Variants in TANGO6 observed in about 807,000 individuals in gnomAD.
TANGO6 encodes transport and Golgi organization protein 6 homolog.
In TANGO6, 90 loss-of-function variants were observed where a neutral mutation model predicts 114.2. That is an observed-to-expected ratio of 0.79 (90% CI 0.66 to 0.94). The LOEUF is 0.94. Ranked by LOEUF, TANGO6 falls within the 40% of genes least tolerant of loss-of-function variation. The pLI is 0.00. For missense variants in TANGO6, 1,274 were observed against 1,315.3 expected, an observed-to-expected ratio of 0.97 and a Z score of 0.49; for synonymous variants, 477 against 509.8, an observed-to-expected ratio of 0.94 and a Z score of 0.87.
intron 16 of TANGO6, among the ~76,000 whole-genome samples, chr16:69,039,913 G>A (rs1021673258): frequency 7.2e-5 from 11 of 152,160 alleles, no homozygotes; most frequent in African/African-American, 2.7e-4. Context: ...ATGATCCTCA[G>A]TCTCTAGAAG....
At chr16:69,013,504 C>T (rs1472747867) in intron 15 of TANGO6, among the ~76,000 whole-genome samples, 4 of 151,594 alleles carry the variant, frequency 2.6e-5, no homozygotes, top group Non-Finnish European at 4.4e-5. Context: ...GTGGTCCCAG[C>T]TACTCAGGAG....
intron 14 of TANGO6, chr16:68,937,840 C>T (rs932570841): frequency 4.6e-5 from 7 of 152,150 alleles, no homozygotes; most frequent in Admixed American, 3.3e-4. Flanking sequence ...AGATCAGGCG[C>T]ATTCGGGGTG....
Position 68,843,582 on chromosome 16 carries a change from C to G in TANGO6, c.-36C>G, listed in dbSNP as rs777745466. ...CGGCGGCGGCGCCCTGCCGAGGCGC[C>G]TGAGCGGGTCGCGAGCGTGGTGTTA... On this transcript the variant is annotated 5_prime_UTR_variant, in exon 1 of 18. Coordinates refer to ENST00000261778, the MANE Select transcript of TANGO6 (RefSeq NM_024562.2). 3.1e-6 allele frequency: 5 copies of G among 1,603,366 alleles called. No individual in the cohort carries two copies. Among genetic ancestry groups the G allele is most frequent in the Non-Finnish European group, 4.3e-6 (5 of 1,173,586 alleles).
chr16:68,909,798 G>A (rs1229750688), intron 11 of TANGO6, among the ~76,000 whole-genome samples: 1 of 152,110 alleles, frequency 6.6e-6, no homozygotes, highest in Non-Finnish European at 1.5e-5. Flanking sequence ...TCCTACTCAA[G>A]CTCCATGGAT....
intron 10 of TANGO6, 30 bp downstream of exon 10, chr16:68,907,605 G>A (rs980671004): frequency 6.3e-7 from 1 of 1,588,964 alleles, no homozygotes; most frequent in Admixed American, 1.9e-5. Flanking sequence ...CCTGGTCAGT[G>A]TTGTTCCAGG....
At chr16:68,935,660 G>A (rs1299091000) in intron 14 of TANGO6, among the ~76,000 whole-genome samples, 1 of 152,152 alleles carries the variant, frequency 6.6e-6, no homozygotes, top group Non-Finnish European at 1.5e-5. Flanking sequence ...TAAAGTCTCT[G>A]AGTTCCGGTT....
chr16:68,887,682 GC>G (rs1425999844), intron 7 of TANGO6, among the ~76,000 whole-genome samples: 3 of 152,100 alleles, frequency 2.0e-5, no homozygotes, highest in Non-Finnish European at 4.4e-5. Context: ...GTCGAGACCA[GC>G]CTGGCCAGCA....
intron 15 of TANGO6, among the ~76,000 whole-genome samples, chr16:68,976,078 G>A (rs1963763187): frequency 6.6e-6 from 1 of 151,992 alleles, no homozygotes; most frequent in South Asian, 2.1e-4. Context: ...GGGACTAGAG[G>A]TACATGCCAC....
In TANGO6 at chr16:69,072,026, C is replaced by CGTGTGTGTGTGTGTGTGTGT. The variant is rs58310609; in HGVS notation, c.3109-11436_3109-11417dup. 5.6e-4 allele frequency among the ~76,000 whole-genome samples: 52 copies of CGTGTGTGTGTGTGTGTGTGT among 93,014 alleles called. 1 individual carries two copies. The highest frequency in any genetic ancestry group is 1.3e-3 in the Admixed American group (12 of 9,350). The allele number at this position is 93,014 out of a possible 152,430, so 61.0% of individuals were successfully genotyped here. A position where few individuals can be genotyped will look rare whatever the true frequency, so the allele number is the denominator to read the frequency against. ...AGGGAGGGTGAAGAGAGAGGGAGAC[C>CGTGTGTGTGTGTGTGTGTGT]GTGTGTGTGTGTGTGTGTGTGTGTG... On this transcript the variant is annotated intron_variant, in intron 17 of 17. Coordinates refer to ENST00000261778, the MANE Select transcript of TANGO6 (RefSeq NM_024562.2).
intron 4 of TANGO6, 123 bp downstream of exon 4, chr16:68,867,343 A>C: frequency 1.5e-6 from 2 of 1,310,116 alleles, no homozygotes; most frequent in Non-Finnish European, 2.1e-6. Flanking sequence ...CCATCCTTGC[A>C]GGGATTGAAC....
intron 15 of TANGO6, among the ~76,000 whole-genome samples, chr16:68,977,423 G>A (rs1348046675): frequency 6.6e-6 from 1 of 151,194 alleles, no homozygotes; most frequent in East Asian, 2.0e-4. Flanking sequence ...GCCAGGCGTG[G>A]TGGCTCACGC....
In TANGO6 at chr16:68,927,925, C is replaced by G; in HGVS notation, c.2485C>G (p.Gln829Glu). ...CAATGAGCCCAGCACTACTACAAGT[C>G]AGAAATCTGGAAGCGTAACCACAGA... The part of the protein sequence containing the change: ...GVNEPSTTTS[Q>E]KSGSVTTEQL... The change falls in exon 13 of 18, where the codon CAG becomes GAG. Residue 829 changes from glutamine to glutamate, a missense_variant. This residue lies in a region of TANGO6 where 908 missense variants were observed against 910.2 expected (regional missense o/e 1.00). Transcript: ENST00000261778. 1 of 1,613,874 alleles carries G rather than the reference C, an allele frequency of 6.2e-7. No homozygotes were observed.
chr16:69,044,977 T>C (rs1959828730), intron 17 of TANGO6, among the ~76,000 whole-genome samples: 1 of 151,620 alleles, frequency 6.6e-6, no homozygotes, highest in Admixed American at 6.6e-5. Context: ...CTGACCAACA[T>C]AGTGAAACCC....
At chr16:69,070,654 A>C in intron 17 of TANGO6, among the ~76,000 whole-genome samples, 1 of 149,982 alleles carries the variant, frequency 6.7e-6, no homozygotes, top group Non-Finnish European at 1.5e-5. Context: ...AAACAAAAAA[A>C]CACACACAAA....
chr16:68,995,298 A>G (rs1421079350), intron 15 of TANGO6, among the ~76,000 whole-genome samples: 5 of 152,310 alleles, frequency 3.3e-5, no homozygotes, highest in African/African-American at 1.2e-4. Context: ...AAAGCAGCAG[A>G]TCAACAATTA....
chr16:68,981,209 C>T (rs1042673147), intron 15 of TANGO6, among the ~76,000 whole-genome samples: 27 of 141,512 alleles, frequency 1.9e-4, no homozygotes, highest in South Asian at 6.5e-4. Flanking sequence ...TTTTTCTTTT[C>T]CTTTTTTTTT....
chr16:69,020,758 G>T (rs561336690), intron 15 of TANGO6, among the ~76,000 whole-genome samples: 2 of 152,008 alleles, frequency 1.3e-5, no homozygotes, highest in African/African-American at 4.8e-5. Flanking sequence ...AAAATTAGGC[G>T]CGATGGCATA....
At chr16:68,887,922 A>G (rs556301396) in intron 7 of TANGO6, among the ~76,000 whole-genome samples, 1 of 152,228 alleles carries the variant, frequency 6.6e-6, no homozygotes, top group South Asian at 2.1e-4. Context: ...TAAACCCTCA[A>G]TGCTCTGAAT....
chr16:69,041,750 G>A (rs1179707188), intron 17 of TANGO6, among the ~76,000 whole-genome samples: 2 of 152,138 alleles, frequency 1.3e-5, no homozygotes, highest in African/African-American at 4.8e-5. Context: ...GAACTTATCT[G>A]CTATGAGCAT....
Sources: gnomAD v4.1 joint callset for allele counts (sites outside exome capture counted in the v4.1 genomes callset) on GRCh38, gnomAD v4.1.1 for gene constraint, gnomAD v4.1.1 regional missense constraint, MANE v1.5 for transcripts, NCBI Gene and HGNC (gene_info 2026-07-23, HGNC 2026-07-21) for gene names.